CHSY3: variants seen among roughly 807,000 people sequenced by gnomAD.
The protein encoded by CHSY3 is chondroitin sulfate synthase 3.
A neutral mutation model predicts 67.2 loss-of-function variants in CHSY3; 35 were observed. The observed-to-expected ratio is 0.52, with a 90% CI of 0.40 to 0.69. The LOEUF is 0.69. Among genes scored for constraint, CHSY3 ranks in the 30% least tolerant of loss-of-function variants. The pLI is 0.00. For synonymous variants in CHSY3, 474 were observed against 434.7 expected (o/e 1.09, Z -1.12); for missense variants, 1,069 against 1,138.5 (o/e 0.94, Z 0.88).
chr5:130,000,273 C>A (rs993068802), intron 2 of CHSY3, among the ~76,000 whole-genome samples: 2 of 152,108 alleles, frequency 1.3e-5, no homozygotes, highest in African/African-American at 4.8e-5. Flanking sequence ...AAAGGCTGCA[C>A]TATAAAAATA....
At chr5:130,066,418 C>T (rs528978972) in intron 2 of CHSY3, among the ~76,000 whole-genome samples, 30 of 152,050 alleles carry the variant, frequency 2.0e-4, no homozygotes, top group Admixed American at 1.4e-3. Context: ...CGGAGGCTCA[C>T]GATTAATTAG....
intron 2 of CHSY3, among the ~76,000 whole-genome samples, chr5:130,134,475 ATATCT>A (rs927526858): frequency 2.6e-5 from 4 of 152,200 alleles, no homozygotes; most frequent in Non-Finnish European, 5.9e-5. Context: ...ACCAATTGTA[ATATCT>A]TATCATGATC....
intron 2 of CHSY3, among the ~76,000 whole-genome samples, chr5:129,950,131 G>A (rs1761983421): frequency 6.8e-6 from 1 of 146,494 alleles, no homozygotes; most frequent in Admixed American, 6.9e-5. Context: ...TTGCGCCACT[G>A]CACTCCAGCC....
At chr5:130,137,575 C>T (rs1768706448) in intron 2 of CHSY3, among the ~76,000 whole-genome samples, 1 of 152,142 alleles carries the variant, frequency 6.6e-6, no homozygotes, top group Non-Finnish European at 1.5e-5. Flanking sequence ...TAAGAATAGT[C>T]TTCTCTTTCA....
intron 2 of CHSY3, among the ~76,000 whole-genome samples, chr5:130,059,942 A>G (rs571240057): frequency 5.2e-4 from 79 of 152,240 alleles, no homozygotes; most frequent in African/African-American, 1.8e-3. Context: ...TTTATTAATA[A>G]CATCTAGAAT....
chr5:130,162,004 C>T (rs1434198158), intron 2 of CHSY3, among the ~76,000 whole-genome samples: 2 of 137,268 alleles, frequency 1.5e-5, no homozygotes, highest in Non-Finnish European at 3.1e-5. Flanking sequence ...TGTGCCATTT[C>T]ACTGCAGCCT....
At chr5:129,962,189 T>G (rs1463244510) in intron 2 of CHSY3, among the ~76,000 whole-genome samples, 3 of 152,016 alleles carry the variant, frequency 2.0e-5, no homozygotes, top group Admixed American at 2.0e-4. Context: ...GACTCAACAC[T>G]ACTATGGCTG....
intron 2 of CHSY3, among the ~76,000 whole-genome samples, chr5:130,120,889 T>C (rs1453740961): frequency 6.6e-6 from 1 of 152,172 alleles, no homozygotes; most frequent in Non-Finnish European, 1.5e-5. Flanking sequence ...GCTTTCCATA[T>C]CCCTGAGTCT....
At chr5:130,165,044 G>A (rs2149730064) in intron 2 of CHSY3, among the ~76,000 whole-genome samples, 1 of 152,262 alleles carries the variant, frequency 6.6e-6, no homozygotes, top group Middle Eastern at 3.4e-3. Flanking sequence ...GAAAGCTGGA[G>A]AGGAATGCAA....
At chr5:130,017,618 A>G (rs1764252534) in intron 2 of CHSY3, among the ~76,000 whole-genome samples, 1 of 152,112 alleles carries the variant, frequency 6.6e-6, no homozygotes, top group Non-Finnish European at 1.5e-5. Flanking sequence ...CTTTTTGAGG[A>G]AATCTCACTC....
chr5:129,983,717 A>G (rs1266121063), intron 2 of CHSY3, among the ~76,000 whole-genome samples: 2 of 152,108 alleles, frequency 1.3e-5, no homozygotes, highest in African/African-American at 4.8e-5. Flanking sequence ...AGTGTAGTTT[A>G]TTAAGTATTA....
chr5:130,164,919 G>T (rs191064670), intron 2 of CHSY3, among the ~76,000 whole-genome samples: 1 of 152,192 alleles, frequency 6.6e-6, no homozygotes, highest in Admixed American at 6.6e-5. Context: ...AATAGGAAAA[G>T]AAATGGTATT....
At chr5:130,038,765 C>T (rs1764928018) in intron 2 of CHSY3, among the ~76,000 whole-genome samples, 1 of 152,090 alleles carries the variant, frequency 6.6e-6, no homozygotes, top group African/African-American at 2.4e-5. Context: ...TTTATCTGCA[C>T]TGCACTACAA....
chr5:130,087,477 C>G (rs1766689670), intron 2 of CHSY3, among the ~76,000 whole-genome samples: 1 of 151,882 alleles, frequency 6.6e-6, no homozygotes. Context: ...CCCATTGTCT[C>G]AGCCCCAAAT....
intron 2 of CHSY3, among the ~76,000 whole-genome samples, chr5:130,028,791 T>C (rs1253210393): frequency 6.6e-6 from 1 of 152,042 alleles, no homozygotes; most frequent in Non-Finnish European, 1.5e-5. Context: ...ATATCATTTC[T>C]CTATCTTTTT....
chr5:130,050,552 A>AT (rs1165906814), intron 2 of CHSY3, among the ~76,000 whole-genome samples: 2 of 152,120 alleles, frequency 1.3e-5, no homozygotes, highest in Non-Finnish European at 2.9e-5. Context: ...TGTATATAGA[A>AT]TTTACTCTCT....
At chr5:130,020,905 T>G (rs1764371280) in intron 2 of CHSY3, among the ~76,000 whole-genome samples, 1 of 152,132 alleles carries the variant, frequency 6.6e-6, no homozygotes, top group East Asian at 1.9e-4. Context: ...TTTTCAGTTA[T>G]TTACGTGTTT....
chr5:129,933,014 C>T (rs904723057), intron 2 of CHSY3, among the ~76,000 whole-genome samples: 7 of 152,132 alleles, frequency 4.6e-5, no homozygotes, highest in Non-Finnish European at 8.8e-5. Flanking sequence ...CCTTTCCTCC[C>T]AGATTGTGGC....
At chr5:130,159,829 C>T (rs1769478354) in intron 2 of CHSY3, among the ~76,000 whole-genome samples, 1 of 152,188 alleles carries the variant, frequency 6.6e-6, no homozygotes, top group Non-Finnish European at 1.5e-5. Flanking sequence ...CCAAGAAATG[C>T]ATCCAAGGCA....
Sources: allele counts gnomAD v4.1 joint callset (sites outside exome capture counted in the v4.1 genomes callset), GRCh38; gene constraint gnomAD v4.1.1; transcripts MANE v1.5; gene names NCBI Gene and HGNC (gene_info 2026-07-23, HGNC 2026-07-21).